Variants in SLC44A5 observed in about 807,000 individuals in gnomAD.
SLC44A5 encodes choline transporter-like protein 5.
A neutral mutation model predicts 101.8 loss-of-function variants in SLC44A5; 57 were observed. The observed-to-expected ratio is 0.56, with a 90% CI of 0.45 to 0.70. SLC44A5 has a LOEUF of 0.70. Ranked by LOEUF, SLC44A5 falls within the 30% of genes least tolerant of loss-of-function variation. The probability of loss-of-function intolerance (pLI) is 0.00; values close to 1 mark genes in which losing one functional copy is unlikely to be tolerated. For missense variants in SLC44A5, 737 were observed against 853.1 expected, an observed-to-expected ratio of 0.86 and a Z score of 1.70; for synonymous variants, 281 against 290.9, an observed-to-expected ratio of 0.97 and a Z score of 0.35.
At chr1:75,481,760 T>C (rs1284957978) in intron 2 of SLC44A5, among the ~76,000 whole-genome samples, 1 of 152,120 alleles carries the variant, frequency 6.6e-6, no homozygotes, top group African/African-American at 2.4e-5. Flanking sequence ...AAACAACAGG[T>C]GCTGGAGAAG....
intron 6 of SLC44A5, among the ~76,000 whole-genome samples, chr1:75,270,473 A>T (rs190631002): frequency 6.6e-6 from 1 of 152,234 alleles, no homozygotes; most frequent in Non-Finnish European, 1.5e-5. Flanking sequence ...TTAACTCAAC[A>T]ATTTGGGAAA....
chr1:75,579,300 G>A (rs1673546899), intron 1 of SLC44A5, among the ~76,000 whole-genome samples: 1 of 152,152 alleles, frequency 6.6e-6, no homozygotes, highest in South Asian at 2.1e-4. Flanking sequence ...TCAGTTATCT[G>A]GGCATGGAGG....
At chr1:75,632,603 C>G in the SLC44A5 span, among the ~76,000 whole-genome samples, 1 of 111,280 alleles carries the variant, frequency 9.0e-6, no homozygotes, top group South Asian at 3.3e-4. Flanking sequence ...GACTATCATT[C>G]CTGTTTTTCC....
At chr1:75,366,837 T>C (rs892667963) in intron 3 of SLC44A5, among the ~76,000 whole-genome samples, 1 of 152,232 alleles carries the variant, frequency 6.6e-6, no homozygotes, top group Non-Finnish European at 1.5e-5. Flanking sequence ...TTCAGTTCTG[T>C]CATTGTATTT....
At chr1:75,286,611 T>G (rs1337066621) in intron 5 of SLC44A5, among the ~76,000 whole-genome samples, 1 of 152,174 alleles carries the variant, frequency 6.6e-6, no homozygotes, top group Non-Finnish European at 1.5e-5. Context: ...TGGTGTATTT[T>G]GAGGATTCGT....
chr1:75,242,107 ATTACT>A (rs763452789), intron 8 of SLC44A5, 46 bp from the exon 9 acceptor site: 36 of 1,483,484 alleles, frequency 2.4e-5, no homozygotes, highest in Non-Finnish European at 3.3e-5. Context: ...CCATGTGATG[ATTACT>A]TTATACTGAA....
At chr1:75,684,001 A>G in the SLC44A5 span, among the ~76,000 whole-genome samples, 2 of 152,192 alleles carry the variant, frequency 1.3e-5, no homozygotes, top group Non-Finnish European at 2.9e-5. Flanking sequence ...AAATTTATAA[A>G]GGAAAGAGGT....
chr1:75,531,952 G>A (rs1039638993), intron 2 of SLC44A5, among the ~76,000 whole-genome samples: 4 of 152,154 alleles, frequency 2.6e-5, no homozygotes, highest in African/African-American at 4.8e-5. Context: ...TAATTTGAAC[G>A]TGCTACATGA....
intron 1 of SLC44A5, among the ~76,000 whole-genome samples, chr1:75,584,528 A>G (rs1673883691): frequency 6.6e-6 from 1 of 152,166 alleles, no homozygotes; most frequent in Non-Finnish European, 1.5e-5. Context: ...ATTTAGGAAC[A>G]TAAAATCAAG....
intron 1 of SLC44A5, among the ~76,000 whole-genome samples, chr1:75,606,181 CA>C (rs1675316039): frequency 6.6e-6 from 1 of 151,854 alleles, no homozygotes; most frequent in Non-Finnish European, 1.5e-5. Context: ...AGATGACTGG[CA>C]AACTCTTGTC....
At chr1:75,631,291 C>T in the SLC44A5 span, among the ~76,000 whole-genome samples, 1 of 152,068 alleles carries the variant, frequency 6.6e-6, no homozygotes, top group Non-Finnish European at 1.5e-5. Context: ...TTAACTTTTC[C>T]AACAGTGCAT....
rs576427771 is a variant in SLC44A5, at chr1:75,318,946, C to T, written c.102-18261G>A. On this transcript the variant is annotated intron_variant, in intron 4 of 23. Coordinates refer to ENST00000370859, the MANE Select transcript of SLC44A5 (RefSeq NM_001130058.2). ...AGTTCAAATATCACTCCCAACCCCC[C>T]CTGCCAACGCACATCTCCCCAGCTC... Among the ~76,000 whole-genome samples, 106 of 152,240 alleles carry T rather than the reference C, an allele frequency of 7.0e-4. No individual in the cohort carries two copies. In the South Asian group the frequency reaches 8.5e-3, roughly 12 times the overall value.
At chr1:75,714,466 A>G in the SLC44A5 span, among the ~76,000 whole-genome samples, 5 of 152,162 alleles carry the variant, frequency 3.3e-5, no homozygotes, top group Non-Finnish European at 7.3e-5. Context: ...CCTATTCAAC[A>G]CAGTACTAGA....
At chr1:75,485,210 G>A (rs192838829) in intron 2 of SLC44A5, among the ~76,000 whole-genome samples, 11 of 152,084 alleles carry the variant, frequency 7.2e-5, no homozygotes, top group African/African-American at 1.9e-4. Flanking sequence ...AAACTTTTAC[G>A]CTCTACTTCC....
intron 3 of SLC44A5, among the ~76,000 whole-genome samples, chr1:75,386,882 A>C (rs1456344833): frequency 6.6e-6 from 1 of 152,192 alleles, no homozygotes; most frequent in Non-Finnish European, 1.5e-5. Context: ...ATGGAACAGA[A>C]CAGAACCCTC....
At chr1:75,537,091 A>C (rs1671097143) in intron 2 of SLC44A5, among the ~76,000 whole-genome samples, 1 of 148,882 alleles carries the variant, frequency 6.7e-6, no homozygotes, top group African/African-American at 2.5e-5. Flanking sequence ...CTTAAGTAAC[A>C]TGCCAGTGTC....
the SLC44A5 span, among the ~76,000 whole-genome samples, chr1:75,666,942 T>C: frequency 6.6e-6 from 1 of 152,142 alleles, no homozygotes; most frequent in Non-Finnish European, 1.5e-5. Flanking sequence ...TATCTCAAAA[T>C]AATAAGAGCT....
intron 1 of SLC44A5, among the ~76,000 whole-genome samples, chr1:75,563,009 T>C (rs1672606089): frequency 1.3e-5 from 2 of 152,204 alleles, no homozygotes; most frequent in Admixed American, 1.3e-4. Flanking sequence ...GCTACTGAAA[T>C]GTTTCTTACC....
chr1:75,337,744 A>G (rs886568521), intron 4 of SLC44A5, among the ~76,000 whole-genome samples: 1 of 152,198 alleles, frequency 6.6e-6, no homozygotes, highest in Non-Finnish European at 1.5e-5. Context: ...CATGACCATC[A>G]TCCCTTCGCC....
Sources: allele counts gnomAD v4.1 joint callset (sites outside exome capture counted in the v4.1 genomes callset), GRCh38; gene constraint gnomAD v4.1.1; transcripts MANE v1.5; gene names NCBI Gene and HGNC (gene_info 2026-07-23, HGNC 2026-07-21).